MTUS1: variants seen among roughly 807,000 people sequenced by gnomAD.
MTUS1 encodes microtubule associated scaffold protein 1.
In MTUS1, 109 loss-of-function variants were observed where a neutral mutation model predicts 120.8. The observed-to-expected ratio is 0.90, with a 90% CI of 0.77 to 1.06. MTUS1 has a LOEUF of 1.06. MTUS1 is among the 50% of genes least tolerant of loss of function. MTUS1 has a pLI of 0.00. For missense variants in MTUS1, 2,210 were observed against 1,486.3 expected, an observed-to-expected ratio of 1.49 and a Z score of -8.01; for synonymous variants, 737 against 550.5, an observed-to-expected ratio of 1.34 and a Z score of -4.74.
chr8:17,662,326 G>C (rs1262761682), intron 8 of MTUS1, among the ~76,000 whole-genome samples: 1 of 149,164 alleles, frequency 6.7e-6, no homozygotes, highest in South Asian at 2.1e-4. Context: ...CAAACACAAA[G>C]TCAAAGTAGT....
At chr8:17,749,431 G>C (rs2048015710) in intron 2 of MTUS1, among the ~76,000 whole-genome samples, 1 of 151,898 alleles carries the variant, frequency 6.6e-6, no homozygotes, top group Non-Finnish European at 1.5e-5. Flanking sequence ...AGCCGAGGTG[G>C]GCAGATCACA....
In MTUS1 at chr8:17,715,878, A is replaced by G; in HGVS notation, c.2473T>C (p.Tyr825His). Residue 825 changes from tyrosine (Y) to histidine (H), a missense_variant, in exon 5 of 15, where the codon TAT becomes CAT. Physicochemically the swap from Tyr to His is moderately conservative, Grantham distance 83. Coordinates refer to ENST00000693296, the MANE Select transcript of MTUS1 (RefSeq NM_001363059.2). ...NNSGNAAVIKYEEKPPKPAFQ... is the reference protein window; with the variant it reads ...NNSGNAAVIKHEEKPPKPAFQ... ...GCTGGTTTTGGAGGTTTCTCCTCATATTTGATGACAGCGGCATTACCAGCT... is the reference window on the plus strand; with the variant it reads ...GCTGGTTTTGGAGGTTTCTCCTCATGTTTGATGACAGCGGCATTACCAGCT... 2.5e-6 allele frequency: 4 copies of G among 1,613,272 alleles called. No homozygotes were observed. Among genetic ancestry groups the G allele is most frequent in the South Asian group, 1.1e-5 (1 of 90,894 alleles).
chr8:17,684,413 A>C lies in MTUS1; in HGVS notation c.2753T>G (p.Phe918Cys). The change falls in exon 7 of 15, where the codon TTT (phenylalanine) becomes TGT (cysteine). Residue 918 changes from phenylalanine (F) to cysteine (C), a missense_variant. By Grantham distance (205) the Phe-to-Cys change is radical. Coordinates refer to ENST00000693296, the MANE Select transcript of MTUS1 (RefSeq NM_001363059.2). ...AAGAAGCTGCTTGAGCTGCAGGATA[A>C]ATCCACTTTGGTTTTCACATTTTGT... ...YKTKCENQSG[F>C]ILQLKQLLAC... The C allele has an allele frequency of 6.2e-7, 1 of 1,614,178 alleles. No individual in the cohort carries two copies. Among genetic ancestry groups the C allele is most frequent in the Non-Finnish European group, 8.5e-7 (1 of 1,180,030 alleles).
At chr8:17,691,062 A>G (rs1816846851) in intron 6 of MTUS1, among the ~76,000 whole-genome samples, 1 of 152,230 alleles carries the variant, frequency 6.6e-6, no homozygotes, top group Non-Finnish European at 1.5e-5. Context: ...CAAAACAAGT[A>G]TTTACTTATA....
chr8:17,742,306 T>TTTTTTTTTTTTTTG (rs2047395758), intron 3 of MTUS1, among the ~76,000 whole-genome samples: 1 of 144,320 alleles, frequency 6.9e-6, no homozygotes, highest in African/African-American at 2.6e-5. Flanking sequence ...TTTTTTTTTT[T>TTTTTTTTTTTTTTG]TTTTTAGAGA....
intron 7 of MTUS1, among the ~76,000 whole-genome samples, chr8:17,682,795 C>A (rs1585659988): frequency 6.6e-6 from 1 of 152,166 alleles, no homozygotes; most frequent in South Asian, 2.1e-4. Flanking sequence ...TATACAGTTT[C>A]TAGTTAGCTT....
At chr8:17,684,002 A>C (rs1386484036) in intron 7 of MTUS1, among the ~76,000 whole-genome samples, 1 of 152,234 alleles carries the variant, frequency 6.6e-6, no homozygotes, top group East Asian at 1.9e-4. Context: ...ACACACAGAC[A>C]AACACACAAA....
At chr8:17,721,596 A>T in intron 4 of MTUS1, 1 of 1,260,686 alleles carries the variant, frequency 7.9e-7, no homozygotes, top group South Asian at 1.7e-5. Context: ...CCCAAATACT[A>T]CCATTACCAT....
At chr8:17,738,718 A>G (rs188273544) in intron 3 of MTUS1, among the ~76,000 whole-genome samples, 1 of 152,168 alleles carries the variant, frequency 6.6e-6, no homozygotes, top group Non-Finnish European at 1.5e-5. Flanking sequence ...AGCAGCATTA[A>G]TTTTCAATAG....
intron 6 of MTUS1, among the ~76,000 whole-genome samples, chr8:17,709,838 T>A (rs996722939): frequency 5.3e-5 from 8 of 151,900 alleles, no homozygotes; most frequent in African/African-American, 1.9e-4. Flanking sequence ...AAACCCCGTC[T>A]CTACTAAAAA....
intron 1 of MTUS1, among the ~76,000 whole-genome samples, chr8:17,796,396 G>A (rs1383757657): frequency 7.1e-5 from 1 of 14,080 alleles, no homozygotes; most frequent in Admixed American, 7.0e-4. Context: ...AGATTTATAT[G>A]CAAATACGTA....
chr8:17,673,565 C>A (rs1812458672), intron 8 of MTUS1, among the ~76,000 whole-genome samples: 1 of 152,168 alleles, frequency 6.6e-6, no homozygotes, highest in Admixed American at 6.5e-5. Context: ...AATCTTCCCA[C>A]CTCACACTCC....
chr8:17,654,944 T>G, intron 9 of MTUS1: 1 of 380,726 alleles, frequency 2.6e-6, no homozygotes, highest in Non-Finnish European at 4.8e-6. Context: ...ACACAAAGAA[T>G]GCATGAAGAG....
chr8:17,747,013 C>T (rs1273107554), intron 2 of MTUS1, among the ~76,000 whole-genome samples: 1 of 152,180 alleles, frequency 6.6e-6, no homozygotes, highest in Non-Finnish European at 1.5e-5. Flanking sequence ...AAACGATGTC[C>T]ACAGGATCTT....
At chr8:17,674,857 T>G (rs564188615) in intron 8 of MTUS1, 2 of 1,128,792 alleles carry the variant, frequency 1.8e-6, no homozygotes, top group Non-Finnish European at 2.2e-6. Flanking sequence ...ATATGAAAAG[T>G]GCTTCAGAAA....
At chr8:17,681,369 G>C (rs1388602001) in intron 7 of MTUS1, among the ~76,000 whole-genome samples, 3 of 152,174 alleles carry the variant, frequency 2.0e-5, no homozygotes, top group African/African-American at 7.2e-5. Context: ...AATGATACGT[G>C]AACAATGGAT....
chr8:17,789,164 C>A (rs1490557890), intron 1 of MTUS1, among the ~76,000 whole-genome samples: 2 of 151,936 alleles, frequency 1.3e-5, no homozygotes, highest in East Asian at 3.9e-4. Flanking sequence ...TGACCAGTAG[C>A]TAGGATTACA....
chr8:17,765,306 T>C (rs184797245), intron 1 of MTUS1, among the ~76,000 whole-genome samples: 9 of 152,200 alleles, frequency 5.9e-5, no homozygotes, highest in African/African-American at 1.4e-4. Context: ...AGCCCAGGAA[T>C]TGGGGAACCT....
intron 2 of MTUS1, among the ~76,000 whole-genome samples, chr8:17,750,224 G>A (rs1177825338): frequency 6.6e-6 from 1 of 152,166 alleles, no homozygotes; most frequent in Non-Finnish European, 1.5e-5. Flanking sequence ...AGAACAGCTG[G>A]AGGTCATGTT....
Sources: gnomAD v4.1 joint callset for allele counts (sites outside exome capture counted in the v4.1 genomes callset) on GRCh38, gnomAD v4.1.1 for gene constraint, MANE v1.5 for transcripts, NCBI Gene and HGNC (gene_info 2026-07-23, HGNC 2026-07-21) for gene names.